Variants in CAPN11 observed in about 807,000 individuals in gnomAD.
CAPN11 encodes calpain-11.
A neutral mutation model predicts 105.3 loss-of-function variants in CAPN11; 108 were observed. That is an observed-to-expected ratio of 1.03 (90% CI 0.88 to 1.20). CAPN11 has a LOEUF of 1.20. Ranked by LOEUF, CAPN11 falls within the 50% of genes most tolerant of loss-of-function variation. The pLI is 0.00. For missense variants in CAPN11, 883 were observed against 924.8 expected, an observed-to-expected ratio of 0.95 and a Z score of 0.59; for synonymous variants, 329 against 344.5, an observed-to-expected ratio of 0.96 and a Z score of 0.50.
At chr6:44,160,074 C>CA (rs1321973166) in intron 1 of CAPN11, among the ~76,000 whole-genome samples, 2 of 151,654 alleles carry the variant, frequency 1.3e-5, no homozygotes, top group Non-Finnish European at 2.9e-5. Flanking sequence ...GTGGAGGTTG[C>CA]AGTGAGCCGA....
intron 19 of CAPN11, 123 bp downstream of exon 19, chr6:44,181,443 C>CCACA (rs1679659961): frequency 1.4e-5 from 8 of 589,970 alleles, no homozygotes; most frequent in Admixed American, 2.8e-5. Flanking sequence ...CCCAACCACA[C>CCACA]CACACTCACA....
chr6:44,162,130 G>C (rs1409023206), intron 1 of CAPN11, among the ~76,000 whole-genome samples: 1 of 151,890 alleles, frequency 6.6e-6, no homozygotes, highest in African/African-American at 2.4e-5. Flanking sequence ...ATCACCCCGG[G>C]TTGAGAACTT....
chr6:44,161,841 CT>C, intron 1 of CAPN11: 1 of 456,276 alleles, frequency 2.2e-6, no homozygotes, highest in Non-Finnish European at 4.4e-6. Flanking sequence ...AGGGTAGAGG[CT>C]GCCTGGAGTG....
chr6:44,166,950 CGGGGGGAGG>C, intron 2 of CAPN11, 121 bp downstream of exon 2: 1 of 227,302 alleles, frequency 4.4e-6, no homozygotes, highest in Non-Finnish European at 9.0e-6. Context: ...GGGAGGGCGG[CGGGGGGAGG>C]GGAGGCTACC....
chr6:44,167,624 A>G (rs1048362208), intron 2 of CAPN11, among the ~76,000 whole-genome samples: 4 of 150,568 alleles, frequency 2.7e-5, no homozygotes, highest in African/African-American at 9.8e-5. Context: ...AAAGTGTACC[A>G]TTTGGCTGGG....
At chr6:44,159,591 GCCTA>G (rs1215524883) in intron 1 of CAPN11, among the ~76,000 whole-genome samples, 2 of 152,076 alleles carry the variant, frequency 1.3e-5, no homozygotes, top group Non-Finnish European at 1.5e-5. Context: ...GGAAGTTTAG[GCCTA>G]GCTGGTGACC....
chr6:44,182,314 CACAT>C (rs1259641844), intron 19 of CAPN11, among the ~76,000 whole-genome samples: 3,659 of 134,234 alleles, frequency 0.027, 304 homozygotes, highest in African/African-American at 0.097. Flanking sequence ...CACACACACT[CACAT>C]ACAGACACAA....
intron 12 of CAPN11, among the ~76,000 whole-genome samples, chr6:44,178,749 T>TAAA (rs1561850887): frequency 0.022 from 1,531 of 70,246 alleles, 116 homozygotes; most frequent in African/African-American, 0.072. Flanking sequence ...CCTGTCTCGA[T>TAAA]TAAAAAAAAA....
At chr6:44,167,916 GA>G (rs33957790) in intron 2 of CAPN11, among the ~76,000 whole-genome samples, 2 of 148,524 alleles carry the variant, frequency 1.3e-5, no homozygotes, top group East Asian at 2.0e-4. Context: ...ACTCTGTTTT[GA>G]AAAAAAAAAC....
At chr6:44,178,880 A>T (rs1772640584) in intron 12 of CAPN11, among the ~76,000 whole-genome samples, 2 of 151,906 alleles carry the variant, frequency 1.3e-5, no homozygotes, top group South Asian at 4.2e-4. Flanking sequence ...CCATGATCGC[A>T]CCACTGCTCT....
Position 44,172,325 on chromosome 6 carries a change from A to G in CAPN11, c.433A>G (p.Ile145Val), listed in dbSNP as rs1022548316. 23 of 1,531,994 alleles carry G rather than the reference A, an allele frequency of 1.5e-5. No individual in the cohort carries two copies. Among genetic ancestry groups the G allele is most frequent in the East Asian group, 2.4e-5 (1 of 41,272 alleles). 94.9% of individuals were successfully genotyped at this position (1,531,994 alleles called of 1,614,324 possible). Residue 145 changes from isoleucine to valine, a missense_variant, in exon 5 of 23, where the codon ATC becomes GTC. Physicochemically the swap from Ile to Val is conservative, Grantham distance 29. Coordinates refer to ENST00000398776, the MANE Select transcript of CAPN11 (RefSeq NM_007058.4). Reference sequence around the variant, plus strand: ...AGGGGACTGCTGGCTGCTGGCTGCCATCGGCTCCCTTACCACCTGCCCCAA... The same window carrying G: ...AGGGGACTGCTGGCTGCTGGCTGCCGTCGGCTCCCTTACCACCTGCCCCAA... ...ILGDCWLLAA[I>V]GSLTTCPKLL...
At chr6:44,177,532 G>T in intron 12 of CAPN11, 112 bp downstream of exon 12, 1 of 1,011,438 alleles carries the variant, frequency 9.9e-7, no homozygotes, top group Non-Finnish European at 1.4e-6. Flanking sequence ...CTGTTGCCCA[G>T]GCTGGAGTGC....
At chr6:44,160,478 G>A (rs532216815) in intron 1 of CAPN11, among the ~76,000 whole-genome samples, 51 of 152,082 alleles carry the variant, frequency 3.4e-4, no homozygotes, top group Middle Eastern at 3.4e-3. Context: ...TAAGCCAGGC[G>A]TGGTGGCGGG....
chr6:44,176,402 G>T, intron 9 of CAPN11, 64 bp downstream of exon 9: 2 of 1,456,602 alleles, frequency 1.4e-6, no homozygotes, highest in South Asian at 2.3e-5. Flanking sequence ...CAGGTGGACC[G>T]ACTGGTGTCC....
chr6:44,174,780 T>A (rs149499909), intron 7 of CAPN11, among the ~76,000 whole-genome samples: 62 of 152,062 alleles, frequency 4.1e-4, no homozygotes, highest in African/African-American at 1.3e-3. Flanking sequence ...CTGCCATGCA[T>A]GGCTAAGTTT....
At chr6:44,181,825 C>G (rs1773571211) in intron 19 of CAPN11, among the ~76,000 whole-genome samples, 1 of 29,892 alleles carries the variant, frequency 3.3e-5, no homozygotes, top group East Asian at 4.0e-4. Context: ...ACAACCACAC[C>G]ACACACACAC....
At chr6:44,178,293 G>C (rs1389552515) in intron 12 of CAPN11, among the ~76,000 whole-genome samples, 3 of 152,026 alleles carry the variant, frequency 2.0e-5, no homozygotes, top group Admixed American at 6.6e-5. Context: ...ATTCCCAGGC[G>C]CTCTGAGACT....
chr6:44,161,561 T>G (rs1371328991), intron 1 of CAPN11, among the ~76,000 whole-genome samples: 1 of 152,120 alleles, frequency 6.6e-6, no homozygotes, highest in Non-Finnish European at 1.5e-5. Context: ...TTCCTGCAAG[T>G]CAGAGCTGAG....
chr6:44,176,749 G>A (rs1772098586), intron 10 of CAPN11, 89 bp from the exon 11 acceptor site: 1 of 1,577,576 alleles, frequency 6.3e-7, no homozygotes, highest in Non-Finnish European at 8.6e-7. Context: ...GGATGGGGAG[G>A]CTTGGGGTGG....
Sources: gnomAD v4.1 joint callset for allele counts (sites outside exome capture counted in the v4.1 genomes callset) on GRCh38, gnomAD v4.1.1 for gene constraint, MANE v1.5 for transcripts, NCBI Gene and HGNC (gene_info 2026-07-23, HGNC 2026-07-21) for gene names.